The following FRMPD4 variants were observed in gnomAD, a reference collection of about 807,000 sequenced individuals.
FRMPD4 encodes the protein FERM and PDZ domain-containing protein 4.
A neutral mutation model predicts 94.1 loss-of-function variants in FRMPD4; 22 were observed. The ratio of observed to expected loss-of-function variants is 0.23; its 90% CI spans 0.17 to 0.33. The LOEUF (loss-of-function observed/expected upper bound fraction) is 0.33. Ranked by LOEUF, FRMPD4 falls within the 10% of genes least tolerant of loss-of-function variation. The probability of loss-of-function intolerance (pLI) is 1.00; values close to 1 mark genes in which losing one functional copy is unlikely to be tolerated. For synonymous variants in FRMPD4, 631 were observed against 548.6 expected (o/e 1.15, Z -2.10); for missense variants, 1,111 against 1,339.9 (o/e 0.83, Z 2.67).
intron 3 of FRMPD4, among the ~76,000 whole-genome samples, chrX:11,890,834 GA>G (rs1304046127): frequency 1.8e-5 from 2 of 112,513 alleles, no homozygotes; most frequent in Admixed American, 1.9e-4. Flanking sequence ...GAGAGTGTTA[GA>G]GGGGAGCCAT....
chrX:12,666,101 C>CA (rs59803800), intron 4 of FRMPD4, among the ~76,000 whole-genome samples: 27,886 of 88,734 alleles, frequency 0.31, 3,765 homozygotes, highest in East Asian at 0.63. Context: ...AAATGGAAAG[C>CA]AAAAAAAAAA....
At chrX:11,899,589 A>G (rs2053923004) in intron 3 of FRMPD4, among the ~76,000 whole-genome samples, 1 of 111,781 alleles carries the variant, frequency 8.9e-6, no homozygotes, top group South Asian at 3.7e-4. Flanking sequence ...TTTCATTTTT[A>G]TAAGGAGTTT....
intron 3 of FRMPD4, among the ~76,000 whole-genome samples, chrX:11,879,069 GC>G (rs2053800076): frequency 8.9e-6 from 1 of 111,993 alleles, no homozygotes; most frequent in Non-Finnish European, 1.9e-5. Flanking sequence ...TGAGATGAGT[GC>G]AAATGAAACC....
At chrX:12,240,801 C>T (rs1032135849) in intron 1 of FRMPD4, among the ~76,000 whole-genome samples, 1 of 112,020 alleles carries the variant, frequency 8.9e-6, no homozygotes, top group Admixed American at 9.4e-5. Flanking sequence ...TTGATCAAGG[C>T]AGTGTTTTAT....
At chrX:11,826,258 G>A (rs189882727) in intron 1 of FRMPD4, among the ~76,000 whole-genome samples, 1 of 112,004 alleles carries the variant, frequency 8.9e-6, no homozygotes, top group East Asian at 2.8e-4. Context: ...AAGTAGAGGT[G>A]GCTTGCCTAC....
chrX:12,720,054 GAAA>G (rs55757301), intron 16 of FRMPD4, among the ~76,000 whole-genome samples: 665 of 19,525 alleles, frequency 0.034, 4 homozygotes, highest in East Asian at 0.12. Flanking sequence ...GGAAAGGAAA[GAAA>G]GAAAGAAAGA....
intron 1 of FRMPD4, among the ~76,000 whole-genome samples, chrX:12,196,712 A>G (rs2056571939): frequency 9.2e-6 from 1 of 108,971 alleles, no homozygotes; most frequent in African/African-American, 3.3e-5. Flanking sequence ...GTTGAAATAT[A>G]TGTTTCAAAT....
chrX:12,708,513 G>T (rs905552233), intron 13 of FRMPD4, among the ~76,000 whole-genome samples: 13 of 109,531 alleles, frequency 1.2e-4, no homozygotes, highest in African/African-American at 4.3e-4. Context: ...TCCACAAAGG[G>T]CAAAACTCTA....
chrX:12,078,551 A>G (rs1228402137), intron 3 of FRMPD4, among the ~76,000 whole-genome samples: 1 of 112,100 alleles, frequency 8.9e-6, no homozygotes, highest in Non-Finnish European at 1.9e-5. Context: ...CATTTCCACA[A>G]TCAAGAAAAT....
At chrX:12,420,976 C>T (rs1461631806) in intron 1 of FRMPD4, among the ~76,000 whole-genome samples, 1 of 112,720 alleles carries the variant, frequency 8.9e-6, no homozygotes, top group Non-Finnish European at 1.9e-5. Context: ...CTTTGTCAAA[C>T]AATCACAGGT....
intron 1 of FRMPD4, among the ~76,000 whole-genome samples, chrX:12,301,071 T>C (rs1202073471): frequency 9.0e-6 from 1 of 111,614 alleles, no homozygotes; most frequent in African/African-American, 3.3e-5. Context: ...AACTGCTTTC[T>C]CTTTCTCACT....
At chrX:12,111,006 A>G (rs903068788) in intron 3 of FRMPD4, among the ~76,000 whole-genome samples, 25 of 111,935 alleles carry the variant, frequency 2.2e-4, no homozygotes, top group Admixed American at 1.8e-3. Flanking sequence ...AAGGTAATTT[A>G]TAGATTCAAT....
chrX:12,184,993 T>TA (rs1451397704), intron 1 of FRMPD4, among the ~76,000 whole-genome samples: 2 of 110,074 alleles, frequency 1.8e-5, no homozygotes, highest in Non-Finnish European at 3.8e-5. Flanking sequence ...ACTAAAAGAG[T>TA]AAAATTGGAC....
intron 3 of FRMPD4, among the ~76,000 whole-genome samples, chrX:12,086,659 G>C (rs1320024790): frequency 9.0e-6 from 1 of 111,668 alleles, no homozygotes; most frequent in African/African-American, 3.3e-5. Context: ...GCCCTGCAAA[G>C]CTAGGCTGGT....
chrX:12,606,574 C>T (rs2059133681), intron 2 of FRMPD4, among the ~76,000 whole-genome samples: 1 of 111,398 alleles, frequency 9.0e-6, no homozygotes, highest in African/African-American at 3.3e-5. Flanking sequence ...TCCTCAGTCC[C>T]TCTCTATGCT....
intron 1 of FRMPD4, among the ~76,000 whole-genome samples, chrX:12,378,680 G>A (rs769948138): frequency 8.9e-6 from 1 of 112,295 alleles, no homozygotes; most frequent in Non-Finnish European, 1.9e-5. Flanking sequence ...TCACTTTTGG[G>A]GGAATGATGT....
At chrX:11,999,351 A>T (rs952028319) in intron 3 of FRMPD4, among the ~76,000 whole-genome samples, 2 of 112,134 alleles carry the variant, frequency 1.8e-5, no homozygotes, top group Non-Finnish European at 3.8e-5. Flanking sequence ...TTCAGCTTGC[A>T]CCATCTCTAT....
chrX:12,715,412 TAC>T (rs953217973), intron 14 of FRMPD4, among the ~76,000 whole-genome samples: 1 of 111,089 alleles, frequency 9.0e-6, no homozygotes, highest in South Asian at 3.8e-4. Flanking sequence ...ATGCATTTTA[TAC>T]ACACACACAC....
At chrX:12,519,492 T>C (rs2058138698) in intron 2 of FRMPD4, among the ~76,000 whole-genome samples, 1 of 112,038 alleles carries the variant, frequency 8.9e-6, no homozygotes, top group Non-Finnish European at 1.9e-5. Flanking sequence ...TTGACAATGA[T>C]TTCTTGGATA....
Sources: gnomAD v4.1 joint callset for allele counts (sites outside exome capture counted in the v4.1 genomes callset) on GRCh38, gnomAD v4.1.1 for gene constraint, MANE v1.5 for transcripts, NCBI Gene and HGNC (gene_info 2026-07-23, HGNC 2026-07-21) for gene names.